The following ARID1A variants were observed in gnomAD, a reference collection of about 807,000 sequenced individuals.
The protein encoded by ARID1A is AT-rich interactive domain-containing protein 1A.
In ARID1A, 20 loss-of-function variants were observed where a neutral mutation model predicts 212.6. That is an observed-to-expected ratio of 0.09 (90% CI 0.07 to 0.14). ARID1A has a LOEUF of 0.14. ARID1A is among the 10% of genes least tolerant of loss of function. ARID1A has a pLI of 1.00. For missense variants in ARID1A, 2,587 were observed against 3,059.0 expected, an observed-to-expected ratio of 0.85 and a Z score of 3.64; for synonymous variants, 1,376 against 1,222.1, an observed-to-expected ratio of 1.13 and a Z score of -2.63.
intron 4 of ARID1A, among the ~76,000 whole-genome samples, chr1:26,750,616 C>T (rs2124015161): frequency 6.6e-6 from 1 of 152,008 alleles, no homozygotes; most frequent in Middle Eastern, 3.4e-3. Context: ...AAGAGGAGGC[C>T]ATCTAGAGGC....
chr1:26,763,318 C>T (rs2124070991), intron 8 of ARID1A, 33 bp downstream of exon 8: 1 of 1,548,084 alleles, frequency 6.5e-7, no homozygotes. Flanking sequence ...GGTGTCAGTG[C>T]AAGAAAATGT....
At chr1:26,755,425 C>T (rs1347012258) in intron 4 of ARID1A, among the ~76,000 whole-genome samples, 2 of 152,192 alleles carry the variant, frequency 1.3e-5, no homozygotes, top group African/African-American at 4.8e-5. Context: ...CCAGGCATCC[C>T]AGCCAGGTGG....
chr1:26,715,836 G>A (rs1371282154), intron 1 of ARID1A, among the ~76,000 whole-genome samples: 5 of 151,272 alleles, frequency 3.3e-5, no homozygotes, highest in East Asian at 1.9e-4. Flanking sequence ...AGGGAGACCC[G>A]TCTTAAAAAA....
chr1:26,707,206 T>TTTC (rs1212061907), intron 1 of ARID1A, among the ~76,000 whole-genome samples: 1 of 139,294 alleles, frequency 7.2e-6, no homozygotes, highest in East Asian at 2.0e-4. Context: ...GCTAATTTTT[T>TTTC]TTTTTTTTTT....
chr1:26,768,380 G>A (rs1486450042), intron 11 of ARID1A, among the ~76,000 whole-genome samples: 1 of 152,178 alleles, frequency 6.6e-6, no homozygotes, highest in South Asian at 2.1e-4. Flanking sequence ...ACCTTAAGGT[G>A]TGTAACCACT....
chr1:26,731,628 C>T, intron 3 of ARID1A, 24 bp downstream of exon 3: 1 of 1,607,108 alleles, frequency 6.2e-7, no homozygotes, highest in South Asian at 1.1e-5. Context: ...GCCTCCTGCC[C>T]TTCCCTGTGT....
At chr1:26,723,034 GC>G (rs960388285) in intron 1 of ARID1A, among the ~76,000 whole-genome samples, 1 of 152,138 alleles carries the variant, frequency 6.6e-6, no homozygotes, top group Non-Finnish European at 1.5e-5. Context: ...TCAATTGGGG[GC>G]TAGGGGTTCT....
intron 1 of ARID1A, chr1:26,729,196 G>A (rs997950384): frequency 1.1e-5 from 2 of 177,484 alleles, no homozygotes; most frequent in African/African-American, 4.7e-5. Flanking sequence ...AGTGCAAACA[G>A]GCTATAGATG....
chr1:26,749,164 C>CAAA, intron 4 of ARID1A, among the ~76,000 whole-genome samples: 1 of 150,926 alleles, frequency 6.6e-6, no homozygotes, highest in African/African-American at 2.4e-5. Context: ...GACTCCGTCT[C>CAAA]AAAAAATAAT....
Position 26,780,938 on chromosome 1 carries a change from A to G in ARID1A, c.*182A>G. On this transcript the variant is annotated 3_prime_UTR_variant, in exon 20 of 20. Transcript: ENST00000324856. The surrounding 1 kb of genome is among the most constrained non-coding windows in gnomAD (Gnocchi z 7.2). ...TCCTCCTTCCACCTCCCCTCCCTCC[A>G]TCACCTCACGCCTTTCTGTTCCTTG... The G allele has an allele frequency of 1.3e-6, 1 of 784,284 alleles. No individual in the cohort carries two copies. The highest frequency in any genetic ancestry group is 1.9e-6 in the Non-Finnish European group (1 of 516,156). 48.6% of individuals were successfully genotyped at this position (784,284 alleles called of 1,614,324 possible).
intron 4 of ARID1A, among the ~76,000 whole-genome samples, chr1:26,756,852 G>A (rs1172105961): frequency 2.6e-5 from 4 of 151,674 alleles, no homozygotes; most frequent in Admixed American, 6.6e-5. Flanking sequence ...ATGGGTGCCC[G>A]TCACCACGTC....
At chr1:26,701,730 A>G (rs12743862) in intron 1 of ARID1A, among the ~76,000 whole-genome samples, 10,909 of 152,220 alleles carry the variant, frequency 0.072, 421 homozygotes, top group Non-Finnish European at 0.08. Context: ...CTTCCCCTGG[A>G]CTGAAGGAAC....
rs144522527 is a variant in ARID1A, at chr1:26,713,904, T to C, written c.1138-15747T>C. On this transcript the variant is annotated intron_variant, in intron 1 of 19. Coordinates refer to ENST00000324856, the MANE Select transcript of ARID1A (RefSeq NM_006015.6). ...TCTGCTTTCCCAATGCCACTTTGAATTGGCTTCTTTAAAACTCCAACATAA... is the reference window on the plus strand; with the variant it reads ...TCTGCTTTCCCAATGCCACTTTGAACTGGCTTCTTTAAAACTCCAACATAA... Among the ~76,000 whole-genome samples the C allele has an allele frequency of 3.6e-3, 550 of 152,340 alleles. 3 individuals carry two copies. The highest frequency in any genetic ancestry group is 0.013 in the African/African-American group (524 of 41,576).
intron 6 of ARID1A, 116 bp from the exon 7 acceptor site, chr1:26,762,036 C>A: frequency 8.4e-7 from 1 of 1,186,714 alleles, no homozygotes; most frequent in Non-Finnish European, 1.2e-6. Flanking sequence ...CAGATAGAGA[C>A]TCCATGCAAG....
In ARID1A at chr1:26,697,378, C is replaced by T. The variant is rs2124744560; in HGVS notation, c.975C>T (p.Ala325=). Residue 325 remains alanine, a synonymous_variant, in exon 1 of 20, where the codon GCC becomes GCT. Coordinates refer to ENST00000324856, the MANE Select transcript of ARID1A (RefSeq NM_006015.6). ...GTGGCGGGCCCCAGGACGGGGGCGC[C>T]GGCAAGGGCCCGGCGGACATGGCCT... The part of the protein sequence containing the change: ...DYSGGPQDGG[A]GKGPADMASQ... 3.0e-6 allele frequency: 4 copies of T among 1,314,176 alleles called. No homozygotes were observed. The highest frequency in any genetic ancestry group is 3.9e-6 in the Non-Finnish European group (4 of 1,038,620). The allele number at this position is 1,314,176 out of a possible 1,614,324, so 81.4% of individuals were successfully genotyped here. A position where few individuals can be genotyped will look rare whatever the true frequency, so the allele number is the denominator to read the frequency against.
chr1:26,726,600 C>T (rs565136679), intron 1 of ARID1A, among the ~76,000 whole-genome samples: 13 of 152,322 alleles, frequency 8.5e-5, no homozygotes, highest in Admixed American at 5.2e-4. Context: ...TAGATTTAGG[C>T]TATGACCCTG....
At position 26,774,428 on chromosome 1, in the gene ARID1A, C is replaced by A; in HGVS notation, c.4201C>A (p.Gln1401Lys). Residue 1401 changes from glutamine to lysine, a missense_variant, in exon 18 of 20, where the codon CAG (glutamine) becomes AAG (lysine). Physicochemically the swap from Gln to Lys is moderately conservative, Grantham distance 53 (BLOSUM62 1). Coordinates refer to ENST00000324856, the MANE Select transcript of ARID1A (RefSeq NM_006015.6). The surrounding 1 kb of genome is among the most constrained non-coding windows in gnomAD (Gnocchi z 5.6). The stretch of plus-strand genomic sequence containing the variant: ...ATACAGCACTGGGCAGGGGCAGCCT[C>A]AGCAGCAGCAGTTGCCCCCAGCCCA... Reference protein sequence around the residue: ...VPYSTGQGQPQQQQLPPAQPQ... With the variant: ...VPYSTGQGQPKQQQLPPAQPQ... The A allele has an allele frequency of 6.2e-7, 1 of 1,612,786 alleles. No homozygotes were observed.
intron 14 of ARID1A, 45 bp from the exon 15 acceptor site, chr1:26,773,301 T>G: frequency 3.9e-6 from 6 of 1,529,876 alleles, no homozygotes; most frequent in Non-Finnish European, 5.3e-6. Flanking sequence ...ATTACCAGGC[T>G]TGTCAACTTA....
At chr1:26,718,950 A>C (rs1570564161) in intron 1 of ARID1A, among the ~76,000 whole-genome samples, 1 of 152,342 alleles carries the variant, frequency 6.6e-6, no homozygotes, top group South Asian at 2.1e-4. Flanking sequence ...TCTCTCTTTC[A>C]AAATATCTTA....
Sources: gnomAD v4.1 joint callset for allele counts (sites outside exome capture counted in the v4.1 genomes callset) on GRCh38, gnomAD v4.1.1 for gene constraint, Gnocchi (gnomAD v3.1) non-coding constraint, MANE v1.5 for transcripts, NCBI Gene and HGNC (gene_info 2026-07-23, HGNC 2026-07-21) for gene names.